ADAMTS18: variants seen among roughly 807,000 people sequenced by gnomAD.
The protein encoded by ADAMTS18 is A disintegrin and metalloproteinase with thrombospondin motifs 18.
A neutral mutation model predicts 165.9 loss-of-function variants in ADAMTS18; 157 were observed. The ratio of observed to expected loss-of-function variants is 0.95; its 90% CI spans 0.83 to 1.08. ADAMTS18 has a LOEUF of 1.08. Ranked by LOEUF, ADAMTS18 falls within the 50% of genes least tolerant of loss-of-function variation. The pLI is 0.00. For missense variants in ADAMTS18, 2,040 were observed against 1,534.0 expected, an observed-to-expected ratio of 1.33 and a Z score of -5.51; for synonymous variants, 782 against 578.2, an observed-to-expected ratio of 1.35 and a Z score of -5.06.
intron 3 of ADAMTS18, among the ~76,000 whole-genome samples, chr16:77,407,047 A>G (rs1355656830): frequency 6.6e-6 from 1 of 151,988 alleles, no homozygotes; most frequent in Non-Finnish European, 1.5e-5. Flanking sequence ...CATCATGCAA[A>G]ACACTCATGT....
intron 9 of ADAMTS18, among the ~76,000 whole-genome samples, chr16:77,355,105 G>A (rs10514414): frequency 0.082 from 12,453 of 152,014 alleles, 1,006 homozygotes; most frequent in East Asian, 0.31. Context: ...TATCAAAAGT[G>A]TCAATTCCCA....
At chr16:77,337,461 T>C (rs1343238292) in intron 11 of ADAMTS18, among the ~76,000 whole-genome samples, 1 of 152,226 alleles carries the variant, frequency 6.6e-6, no homozygotes, top group East Asian at 1.9e-4. Flanking sequence ...AGGAGAAATT[T>C]AGCAAAGAAA....
intron 3 of ADAMTS18, among the ~76,000 whole-genome samples, chr16:77,424,536 C>G (rs971437842): frequency 6.6e-6 from 1 of 151,844 alleles, no homozygotes. Context: ...ATGTGAGACC[C>G]CTCAAACTGG....
At chr16:77,373,086 T>C (rs981474696) in intron 3 of ADAMTS18, among the ~76,000 whole-genome samples, 1 of 152,180 alleles carries the variant, frequency 6.6e-6, no homozygotes, top group Non-Finnish European at 1.5e-5. Context: ...ATTTTTTTTC[T>C]TTCCCCTACA....
intron 3 of ADAMTS18, among the ~76,000 whole-genome samples, chr16:77,386,417 T>G (rs2057108396): frequency 6.6e-6 from 1 of 152,254 alleles, no homozygotes; most frequent in Non-Finnish European, 1.5e-5. Context: ...TTCCTCTCTG[T>G]GCTAACTTTT....
chr16:77,431,285 G>C lies in ADAMTS18; in HGVS notation c.495+10C>G. 6.2e-7 allele frequency: 1 copy of C among 1,614,092 alleles called. No homozygotes were observed. The highest frequency in any genetic ancestry group is 8.5e-7 in the Non-Finnish European group (1 of 1,179,994). Reference sequence around the variant, plus strand: ...AAGAGGGAGCTCAACTCAGACTGGGGTGTACTTACCAAGCCAGCACACGTA... The same window carrying C: ...AAGAGGGAGCTCAACTCAGACTGGGCTGTACTTACCAAGCCAGCACACGTA... On this transcript the variant is annotated intron_variant, in intron 3 of 22. Coordinates refer to ENST00000282849, the MANE Select transcript of ADAMTS18 (RefSeq NM_199355.4).
intron 9 of ADAMTS18, among the ~76,000 whole-genome samples, chr16:77,355,685 TCTAG>T (rs1166657105): frequency 6.6e-6 from 1 of 152,126 alleles, no homozygotes; most frequent in Non-Finnish European, 1.5e-5. Context: ...ATTTCTCAAC[TCTAG>T]ATTGAGGATA....
intron 16 of ADAMTS18, among the ~76,000 whole-genome samples, chr16:77,311,846 G>A (rs2079069895): frequency 6.6e-6 from 1 of 152,038 alleles, no homozygotes; most frequent in Non-Finnish European, 1.5e-5. Flanking sequence ...TGGACATTAA[G>A]TTTTTCTTGA....
intron 3 of ADAMTS18, among the ~76,000 whole-genome samples, chr16:77,374,644 C>T (rs1170205835): frequency 6.6e-6 from 1 of 152,202 alleles, no homozygotes; most frequent in Non-Finnish European, 1.5e-5. Context: ...GCTTAAGCCA[C>T]TTAAGTGCTT....
At chr16:77,305,803 C>T (rs1271679242) in intron 16 of ADAMTS18, among the ~76,000 whole-genome samples, 3 of 152,180 alleles carry the variant, frequency 2.0e-5, no homozygotes, top group Admixed American at 6.5e-5. Context: ...ACAGGACAAC[C>T]CTGGAGAGGT....
intron 7 of ADAMTS18, 99 bp from the exon 8 acceptor site, chr16:77,359,522 A>G: frequency 1.1e-6 from 1 of 937,344 alleles, no homozygotes; most frequent in East Asian, 2.6e-5. Flanking sequence ...GTTTTAGTTT[A>G]ATAGATCAAT....
At chr16:77,317,598 A>G (rs1555511986) in intron 16 of ADAMTS18, among the ~76,000 whole-genome samples, 1 of 152,128 alleles carries the variant, frequency 6.6e-6, no homozygotes, top group Non-Finnish European at 1.5e-5. Flanking sequence ...GTGATTTCCT[A>G]ATGTGTGGAC....
At chr16:77,416,087 A>G (rs2057526600) in intron 3 of ADAMTS18, among the ~76,000 whole-genome samples, 1 of 152,190 alleles carries the variant, frequency 6.6e-6, no homozygotes, top group Non-Finnish European at 1.5e-5. Flanking sequence ...AAAGAAAATT[A>G]CAGCAGAGAA....
chr16:77,419,912 T>A (rs527978799), intron 3 of ADAMTS18, among the ~76,000 whole-genome samples: 1 of 149,494 alleles, frequency 6.7e-6, no homozygotes, highest in African/African-American at 2.5e-5. Flanking sequence ...GGCAGGAGAA[T>A]TGCTTGAACC....
At position 77,341,758 on chromosome 16, in the gene ADAMTS18, C is replaced by A. The variant is rs373068752; in HGVS notation, c.1656G>T (p.Arg552Ser). Reference sequence around the variant, plus strand: ...CTGCGGGCATAAACTTGGTCTCACACCTGTGGCCTACTCGGTGGCACCAAA... The same window carrying A: ...CTGCGGGCATAAACTTGGTCTCACAACTGTGGCCTACTCGGTGGCACCAAA... The part of the protein sequence containing the change: ...KSLWCHRVGH[R>S]CETKFMPAAE... The change falls in exon 11 of 23, where the codon AGG becomes AGT. Residue 552 changes from arginine to serine, a missense_variant. Coordinates refer to ENST00000282849, the MANE Select transcript of ADAMTS18 (RefSeq NM_199355.4). 3.1e-6 allele frequency: 5 copies of A among 1,613,600 alleles called. No homozygotes were observed. The highest frequency in any genetic ancestry group is 4.2e-6 in the Non-Finnish European group (5 of 1,179,808).
chr16:77,431,249 A>G (rs2057735588), intron 3 of ADAMTS18, 46 bp downstream of exon 3: 1 of 1,607,628 alleles, frequency 6.2e-7, no homozygotes, highest in African/African-American at 1.3e-5. Flanking sequence ...TTCAAGTTAC[A>G]CAAAACACGA....
At chr16:77,434,375 T>C in intron 2 of ADAMTS18, 43 bp downstream of exon 2, 1 of 1,540,990 alleles carries the variant, frequency 6.5e-7, no homozygotes, top group Non-Finnish European at 8.7e-7. Context: ...AGGGTCAAAG[T>C]GCTGCGAAAG....
intron 10 of ADAMTS18, among the ~76,000 whole-genome samples, chr16:77,352,105 C>CA (rs34625329): frequency 6.6e-6 from 1 of 151,646 alleles, no homozygotes; most frequent in Non-Finnish European, 1.5e-5. Context: ...AAGGATACAC[C>CA]AAAAAAATGT....
intron 16 of ADAMTS18, among the ~76,000 whole-genome samples, chr16:77,314,755 TA>T (rs2055852854): frequency 1.7e-5 from 1 of 58,328 alleles, no homozygotes; most frequent in African/African-American, 7.5e-5. Context: ...TCAGGTTTCA[TA>T]TATATATATA....
Sources: allele counts gnomAD v4.1 joint callset (sites outside exome capture counted in the v4.1 genomes callset), GRCh38; gene constraint gnomAD v4.1.1; transcripts MANE v1.5; gene names NCBI Gene and HGNC (gene_info 2026-07-23, HGNC 2026-07-21).